SIK3: variants seen among roughly 807,000 people sequenced by gnomAD.
SIK3 encodes the protein SIK family kinase 3, also known as serine/threonine-protein kinase SIK3.
In SIK3, 28 loss-of-function variants were observed where a neutral mutation model predicts 144.2. The ratio of observed to expected loss-of-function variants is 0.19; its 90% CI spans 0.14 to 0.27. The LOEUF (loss-of-function observed/expected upper bound fraction) is 0.27. SIK3 is among the 10% of genes least tolerant of loss of function. SIK3 has a pLI of 1.00. For missense variants in SIK3, 1,319 were observed against 1,776.0 expected, an observed-to-expected ratio of 0.74 and a Z score of 4.62; for synonymous variants, 686 against 676.3, an observed-to-expected ratio of 1.01 and a Z score of -0.22.
chr11:117,023,399 T>G (rs1200252714), intron 1 of SIK3, among the ~76,000 whole-genome samples: 1 of 146,718 alleles, frequency 6.8e-6, no homozygotes, highest in African/African-American at 2.6e-5. Flanking sequence ...CTGAAGTATG[T>G]CAATACACCT....
chr11:116,859,046 C>T (rs1943155144), intron 20 of SIK3, among the ~76,000 whole-genome samples: 1 of 152,206 alleles, frequency 6.6e-6, no homozygotes, highest in South Asian at 2.1e-4. Context: ...AGGTAGCTTT[C>T]CCATTTTCCA....
At chr11:116,992,318 C>G (rs922869745) in intron 1 of SIK3, among the ~76,000 whole-genome samples, 1 of 121,708 alleles carries the variant, frequency 8.2e-6, no homozygotes, top group East Asian at 2.5e-4. Flanking sequence ...GAGCAAGACC[C>G]CCCCCCCCAA....
chr11:116,940,121 A>G (rs1272190330), intron 3 of SIK3, among the ~76,000 whole-genome samples: 1 of 152,188 alleles, frequency 6.6e-6, no homozygotes, highest in Non-Finnish European at 1.5e-5. Context: ...TAACTATAGA[A>G]GCTGGGCTGT....
At chr11:116,908,595 T>C (rs774603765) in intron 4 of SIK3, among the ~76,000 whole-genome samples, 5 of 151,632 alleles carry the variant, frequency 3.3e-5, no homozygotes, top group Non-Finnish European at 7.4e-5. Context: ...ATAAGACCAA[T>C]AGAGAATCCA....
At chr11:116,958,095 G>A (rs904098841) in intron 1 of SIK3, among the ~76,000 whole-genome samples, 1 of 152,132 alleles carries the variant, frequency 6.6e-6, no homozygotes, top group Non-Finnish European at 1.5e-5. Context: ...ATACTGGTTA[G>A]ATGAAGAACC....
intron 4 of SIK3, among the ~76,000 whole-genome samples, chr11:116,918,151 G>A (rs895996074): frequency 6.6e-6 from 1 of 152,148 alleles, no homozygotes; most frequent in African/African-American, 2.4e-5. Flanking sequence ...TATACACTGA[G>A]GAATGATTAA....
intron 4 of SIK3, among the ~76,000 whole-genome samples, chr11:116,902,039 G>A (rs1380613495): frequency 6.6e-6 from 1 of 152,170 alleles, no homozygotes. Context: ...CCTTCACCAG[G>A]TCCTTTTCCA....
chr11:116,883,171 A>G (rs1033407696), intron 6 of SIK3, among the ~76,000 whole-genome samples: 1 of 152,228 alleles, frequency 6.6e-6, no homozygotes, highest in African/African-American at 2.4e-5. Flanking sequence ...ATGGAGCCAC[A>G]TGGCTTTGAT....
intron 1 of SIK3, among the ~76,000 whole-genome samples, chr11:116,974,926 T>G (rs964899185): frequency 1.3e-5 from 2 of 152,200 alleles, no homozygotes; most frequent in African/African-American, 4.8e-5. Context: ...GTGGTAGCTC[T>G]ACTTAGCCTA....
chr11:116,922,065 T>C (rs1947013905), intron 4 of SIK3, among the ~76,000 whole-genome samples: 2 of 152,278 alleles, frequency 1.3e-5, no homozygotes, highest in East Asian at 1.9e-4. Flanking sequence ...CTGAATCTTA[T>C]AGTATTTATG....
At position 116,846,509 on chromosome 11, in the gene SIK3, C is replaced by T; in HGVS notation, c.3997G>A (p.Asp1333Asn). The T allele has an allele frequency of 6.2e-7, 1 of 1,614,210 alleles. No individual in the cohort carries two copies. The highest frequency in any genetic ancestry group is 8.5e-7 in the Non-Finnish European group (1 of 1,180,032). ...GAGGAGTTTAAATGCTGGCTGCCAT[C>T]ACTCAGGTCTGGGTGCTCATGACCT... ...LGGHEHPDLS[D>N]GSQHLNSSCY... Residue 1333 changes from aspartate (D) to asparagine (N), a missense_variant, in exon 24 of 25, where the codon GAT becomes AAT. Asp to Asn is a conservative substitution (Grantham distance 23). Coordinates refer to ENST00000445177, the MANE Select transcript of SIK3 (RefSeq NM_001366686.3). The surrounding 1 kb of genome is among the most constrained non-coding windows in gnomAD (Gnocchi z 4.1).
chr11:117,098,029 C>A, intron 1 of SIK3, 114 bp downstream of exon 1: 1 of 1,152,306 alleles, frequency 8.7e-7, no homozygotes. Context: ...CGCCTCCCGG[C>A]CCCCAACGCT....
At chr11:117,035,678 C>T in intron 1 of SIK3, 3 of 701,664 alleles carry the variant, frequency 4.3e-6, no homozygotes, top group Non-Finnish European at 7.3e-6. Flanking sequence ...CCTTAGCCTC[C>T]AGAGTAGCTG....
intron 12 of SIK3, 31 bp downstream of exon 12, chr11:116,873,872 C>T: frequency 6.3e-7 from 1 of 1,586,898 alleles, no homozygotes; most frequent in Non-Finnish European, 8.6e-7. Context: ...TTTGTTTCTT[C>T]TGGAGCCAGC....
In SIK3 at chr11:116,846,666, T is replaced by C. The variant is rs1941989042; in HGVS notation, c.3953-113A>G. The C allele has an allele frequency of 8.1e-7, 1 of 1,230,714 alleles. No individual in the cohort carries two copies. Among genetic ancestry groups the C allele is most frequent in the Non-Finnish European group, 1.1e-6 (1 of 873,080 alleles). 76.2% of individuals were successfully genotyped at this position (1,230,714 alleles called of 1,614,324 possible). A position where few individuals can be genotyped will look rare whatever the true frequency, so the allele number is the denominator to read the frequency against. On this transcript the variant is annotated intron_variant, in intron 23 of 24. Coordinates refer to ENST00000445177, the MANE Select transcript of SIK3 (RefSeq NM_001366686.3). This position sits in a 1 kb window ranked among gnomAD's most constrained non-coding sequence, Gnocchi z 4.1. Reference sequence around the variant, plus strand: ...CCTGTCGAGCATCCCACAGCCTGACTCCCAGCCCTGAATTCTAGCTCACAG... The same window carrying C: ...CCTGTCGAGCATCCCACAGCCTGACCCCCAGCCCTGAATTCTAGCTCACAG...
intron 1 of SIK3, among the ~76,000 whole-genome samples, chr11:117,082,999 G>T (rs185745331): frequency 6.6e-6 from 1 of 152,132 alleles, no homozygotes; most frequent in African/African-American, 2.4e-5. Context: ...TCTTATCCTG[G>T]TATCAGGATA....
At chr11:116,954,934 T>C (rs1949083770) in intron 2 of SIK3, among the ~76,000 whole-genome samples, 2 of 152,352 alleles carry the variant, frequency 1.3e-5, no homozygotes, top group East Asian at 3.9e-4. Context: ...GCATATATTA[T>C]TTTAACTTTT....
chr11:117,089,771 G>C (rs538302217), intron 1 of SIK3, among the ~76,000 whole-genome samples: 108 of 152,286 alleles, frequency 7.1e-4, no homozygotes, highest in African/African-American at 2.6e-3. Context: ...CTGGCCGAAA[G>C]TATCCAACTG....
chr11:116,968,242 G>A (rs963601556), intron 1 of SIK3, among the ~76,000 whole-genome samples: 9 of 151,906 alleles, frequency 5.9e-5, no homozygotes, highest in South Asian at 4.1e-4. Flanking sequence ...TCCTGGGTTC[G>A]GGCAATTCTC....
Sources: allele counts gnomAD v4.1 joint callset (sites outside exome capture counted in the v4.1 genomes callset), GRCh38; gene constraint gnomAD v4.1.1; non-coding constraint Gnocchi (gnomAD v3.1); transcripts MANE v1.5; gene names NCBI Gene and HGNC (gene_info 2026-07-23, HGNC 2026-07-21).